ATP4A: variants seen among roughly 807,000 people sequenced by gnomAD.
The protein encoded by ATP4A is ATPase H+/K+ transporting subunit alpha.
In ATP4A, 73 loss-of-function variants were observed where a neutral mutation model predicts 112.1. The ratio of observed to expected loss-of-function variants is 0.65; its 90% CI spans 0.54 to 0.79. ATP4A has a LOEUF of 0.79. Ranked by LOEUF, ATP4A falls within the 30% of genes least tolerant of loss-of-function variation. The pLI, the probability that ATP4A is intolerant of heterozygous loss-of-function variation, is 0.00. For missense variants in ATP4A, 1,081 were observed against 1,425.9 expected, an observed-to-expected ratio of 0.76 and a Z score of 3.90; for synonymous variants, 588 against 588.9, an observed-to-expected ratio of 1.00 and a Z score of 0.02.
chr19:35,559,845 A>T lies in ATP4A; in HGVS notation c.1016T>A (p.Val339Glu). 6.2e-7 allele frequency: 1 copy of T among 1,614,180 alleles called. No homozygotes were observed. The highest frequency in any genetic ancestry group is 2.2e-5 in the East Asian group (1 of 44,878). The change falls in exon 7 of 22, where the codon GTG becomes GAG. Residue 339 changes from valine to glutamate, a missense_variant. Around this residue, in one of 3 missense-constraint regions of ATP4A, gnomAD observed 850 missense variants for 1,068.2 expected, o/e 0.80. Transcript: ENST00000262623. This position sits in a 1 kb window ranked among gnomAD's most constrained non-coding sequence, Gnocchi z 4.1. ...LRAMVFFMAI[V>E]VAYVPEGLLA... ...CAGCCCCTCAGGCACATAGGCCACC[A>T]CGATGGCCATGAAGAAGACCATGGC... is the stretch of plus-strand genomic sequence containing the variant.
intron 17 of ATP4A, 42 bp from the exon 18 acceptor site, chr19:35,553,224 CAG>C (rs762054110): frequency 6.4e-7 from 1 of 1,564,644 alleles, no homozygotes; most frequent in Non-Finnish European, 8.7e-7. Flanking sequence ...GAGATGGACA[CAG>C]AGACAGGGAC....
Position 35,558,003 on chromosome 19 carries a change from T to C in ATP4A, c.1501-156A>G. The C allele has an allele frequency of 3.0e-6, 2 of 658,498 alleles. No homozygotes were observed. Among genetic ancestry groups the C allele is most frequent in the South Asian group, 4.0e-5 (2 of 50,148 alleles). 40.8% of individuals were successfully genotyped at this position (658,498 alleles called of 1,614,324 possible). A position where few individuals can be genotyped will look rare whatever the true frequency, so the allele number is the denominator to read the frequency against. Reference sequence around the variant, plus strand: ...GGGTGAAGGTGGAAGATGGAGGCCTTGTGTGGAGGGGTCCTTGGTAGAAGG... The same window carrying C: ...GGGTGAAGGTGGAAGATGGAGGCCTCGTGTGGAGGGGTCCTTGGTAGAAGG... On this transcript the variant is annotated intron_variant, in intron 10 of 21. Transcript: ENST00000262623. The surrounding 1 kb of genome is among the most constrained non-coding windows in gnomAD (Gnocchi z 5.1).
Position 35,557,046 on chromosome 19 carries a change from C to T in ATP4A, c.1736G>A (p.Gly579Asp), listed in dbSNP as rs773834606. The T allele has an allele frequency of 6.2e-7, 1 of 1,614,202 alleles. No homozygotes were observed. Among genetic ancestry groups the T allele is most frequent in the Non-Finnish European group, 8.5e-7 (1 of 1,180,036 alleles). ...CATGGCCTCTACGTCGAAGGCATAGCCAGGCGGGTAGTCCTTCTCATTCAG... is the reference window on the plus strand; with the variant it reads ...CATGGCCTCTACGTCGAAGGCATAGTCAGGCGGGTAGTCCTTCTCATTCAG... ...LYLNEKDYPP[G>D]YAFDVEAMNF... Residue 579 changes from glycine (G) to aspartate (D), a missense_variant, in exon 12 of 22, where the codon GGC becomes GAC. Physicochemically the swap from Gly to Asp is moderately conservative, Grantham distance 94. Transcript: ENST00000262623. The surrounding 1 kb of genome is among the most constrained non-coding windows in gnomAD (Gnocchi z 4.4).
At position 35,550,992 on chromosome 19, in the gene ATP4A, C is replaced by T; in HGVS notation, c.2987+18G>A. ...CCCTACAGCCCCCTCCCTGTCCTTG[C>T]CCCTCACAGCCTCTCACCGAATGGG... On this transcript the variant is annotated intron_variant, in intron 20 of 21. Coordinates refer to ENST00000262623, the MANE Select transcript of ATP4A (RefSeq NM_000704.3). The surrounding 1 kb of genome is among the most constrained non-coding windows in gnomAD (Gnocchi z 4.1). 2 of 1,612,898 alleles carry T rather than the reference C, an allele frequency of 1.2e-6. No homozygotes were observed. The highest frequency in any genetic ancestry group is 1.3e-5 in the African/African-American group (1 of 75,024).
chr19:35,554,792 A>G (rs1194303905), intron 16 of ATP4A, 130 bp downstream of exon 16: 4 of 1,326,140 alleles, frequency 3.0e-6, no homozygotes, highest in Non-Finnish European at 4.2e-6. Flanking sequence ...ACTGGCTGTC[A>G]TTGCACACAC....
chr19:35,563,075 C>T, intron 3 of ATP4A, 134 bp downstream of exon 3: 1 of 963,436 alleles, frequency 1.0e-6, no homozygotes, highest in Non-Finnish European at 1.5e-6. Flanking sequence ...TGCCTCCCTC[C>T]CTCTCTCTAT....
chr19:35,560,561 C>T lies in ATP4A; in HGVS notation c.589G>A (p.Val197Met). The T allele has an allele frequency of 6.2e-7, 1 of 1,613,564 alleles. No homozygotes were observed. Among genetic ancestry groups the T allele is most frequent in the Non-Finnish European group, 8.5e-7 (1 of 1,179,984 alleles). Residue 197 changes from valine to methionine, a missense_variant, in exon 6 of 22, where the codon GTG (valine) becomes ATG (methionine). By Grantham distance (21) the Val-to-Met change is conservative (BLOSUM62 1). This residue lies in a region of ATP4A where 850 missense variants were observed against 1,068.2 expected (regional missense o/e 0.80). Coordinates refer to ENST00000262623, the MANE Select transcript of ATP4A (RefSeq NM_000704.3). The surrounding 1 kb of genome is among the most constrained non-coding windows in gnomAD (Gnocchi z 5.1). Reference sequence around the variant, plus strand: ...TTCATCTCCACCAGGTCGCCCACCACCAGTTGGTCAGCGTTGATCTGGAAT... The same window carrying T: ...TTCATCTCCACCAGGTCGCCCACCATCAGTTGGTCAGCGTTGATCTGGAAT... The part of the protein sequence containing the change: ...DKFQINADQL[V>M]VGDLVEMKGG...
Position 35,562,586 on chromosome 19 carries a change from G to A in ATP4A, c.269C>T (p.Ala90Val). The A allele has an allele frequency of 6.2e-7, 1 of 1,611,240 alleles. No individual in the cohort carries two copies. The highest frequency in any genetic ancestry group is 8.5e-7 in the Non-Finnish European group (1 of 1,179,054). ...TGGGGTGCCCCGTGGTGGCCGCAGT[G>A]CGTTGGGCCCATCCCGCAGCAGCAG... ...AELLLRDGPN[A>V]LRPPRGTPEY... Residue 90 changes from alanine to valine, a missense_variant, in exon 4 of 22, where the codon GCA (alanine) becomes GTA (valine). Ala to Val is a moderately conservative substitution (Grantham distance 64). This residue lies in a region of ATP4A where 850 missense variants were observed against 1,068.2 expected (regional missense o/e 0.80). Transcript: ENST00000262623.
intron 12 of ATP4A, among the ~76,000 whole-genome samples, chr19:35,556,216 G>A (rs1271701045): frequency 6.6e-6 from 1 of 152,118 alleles, no homozygotes; most frequent in African/African-American, 2.4e-5. Context: ...AGGTGCAAAG[G>A]CCCTGAGGTG....
Position 35,558,046 on chromosome 19 carries a change from C to A in ATP4A, c.1501-199G>T. 1.6e-6 allele frequency: 1 copy of A among 608,540 alleles called. No homozygotes were observed. The highest frequency in any genetic ancestry group is 2.8e-6 in the Non-Finnish European group (1 of 352,170). 37.7% of individuals were successfully genotyped at this position (608,540 alleles called of 1,614,324 possible). A position where few individuals can be genotyped will look rare whatever the true frequency, so the allele number is the denominator to read the frequency against. On this transcript the variant is annotated intron_variant, in intron 10 of 21. Transcript: ENST00000262623. The surrounding 1 kb of genome is among the most constrained non-coding windows in gnomAD (Gnocchi z 5.1). ...GTAGAAGGTAAGCGTTAAGGCGGGGCTAGGTGCAGATTTGGAGTCCTGGAC... is the reference window on the plus strand; with the variant it reads ...GTAGAAGGTAAGCGTTAAGGCGGGGATAGGTGCAGATTTGGAGTCCTGGAC...
intron 16 of ATP4A, 79 bp downstream of exon 16, chr19:35,554,843 G>A: frequency 1.3e-6 from 2 of 1,573,008 alleles, no homozygotes; most frequent in South Asian, 2.3e-5. Flanking sequence ...TGTCTGTGGT[G>A]GTCTCTGTCC....
chr19:35,556,125 T>G (rs2071630315), intron 12 of ATP4A, among the ~76,000 whole-genome samples: 1 of 152,104 alleles, frequency 6.6e-6, no homozygotes, highest in Middle Eastern at 3.2e-3. Flanking sequence ...GAAGGTGATA[T>G]CTGAGCAGAG....
At chr19:35,561,267 C>T (rs747714570) in intron 4 of ATP4A, among the ~76,000 whole-genome samples, 4 of 152,080 alleles carry the variant, frequency 2.6e-5, no homozygotes, top group Non-Finnish European at 4.4e-5. Context: ...CTCCTGTGTC[C>T]CCAAGCCTTG....
intron 18 of ATP4A, among the ~76,000 whole-genome samples, chr19:35,552,084 T>C (rs556131166): frequency 1.3e-5 from 2 of 152,208 alleles, no homozygotes; most frequent in African/African-American, 4.8e-5. Flanking sequence ...TCTCGCTCTG[T>C]CACCCAGGCT....
chr19:35,552,830 T>G (rs112197627), intron 18 of ATP4A, among the ~76,000 whole-genome samples: 6 of 152,294 alleles, frequency 3.9e-5, no homozygotes, highest in African/African-American at 1.2e-4. Flanking sequence ...GAGACACCCA[T>G]CTGCAGTTGC....
intron 17 of ATP4A, 22 bp from the exon 18 acceptor site, chr19:35,553,204 CAG>C (rs1568313166): frequency 1.9e-6 from 3 of 1,580,556 alleles, no homozygotes; most frequent in Admixed American, 3.4e-5. Flanking sequence ...CAAGGGGACA[CAG>C]GGAGACAGAG....
In ATP4A at chr19:35,551,631, C is replaced by T. The variant is rs374160464; in HGVS notation, c.2752-51G>A. ...AGCCTGAGTCCAGCCTGAGTCCCGG[C>T]GGAGAGCCTCTGCAGCCCACCGGGC... is the stretch of plus-strand genomic sequence containing the variant. On this transcript the variant is annotated intron_variant, in intron 18 of 21. Coordinates refer to ENST00000262623, the MANE Select transcript of ATP4A (RefSeq NM_000704.3). This position sits in a 1 kb window ranked among gnomAD's most constrained non-coding sequence, Gnocchi z 5.2. The T allele has an allele frequency of 8.2e-6, 13 of 1,582,082 alleles. No individual in the cohort carries two copies. Among genetic ancestry groups the T allele is most frequent in the East Asian group, 2.3e-5 (1 of 43,174 alleles).
At position 35,551,118 on chromosome 19, in the gene ATP4A, G is replaced by A. The variant is rs368013648; in HGVS notation, c.2886-7C>T. The A allele has an allele frequency of 3.5e-5, 56 of 1,600,870 alleles. No individual in the cohort carries two copies. Among genetic ancestry groups the A allele is most frequent in the Non-Finnish European group, 4.5e-5 (53 of 1,173,686 alleles). ...GATCACCAGGATCTTATTCCTGGGG[G>A]TGGGCAGAATGGGACAGGCCATTAG... On this transcript the variant is annotated splice_region_variant and splice_polypyrimidine_tract_variant and intron_variant, in intron 19 of 21. Coordinates refer to ENST00000262623, the MANE Select transcript of ATP4A (RefSeq NM_000704.3). This position sits in a 1 kb window ranked among gnomAD's most constrained non-coding sequence, Gnocchi z 5.2.
chr19:35,559,042 C>T lies in ATP4A; in HGVS notation c.1206G>A (p.Leu402=). Residue 402 remains leucine, a synonymous_variant, in exon 8 of 22, where the codon CTG becomes CTA. Transcript: ENST00000262623. The surrounding 1 kb of genome is among the most constrained non-coding windows in gnomAD (Gnocchi z 4.1). ...CTGTGTGGATGTGGTTGTCAAACCA[C>T]AGATGGGACACAGTCATGCGGTTCT... is the stretch of plus-strand genomic sequence containing the variant. ...LTQNRMTVSH[L]WFDNHIHTAD... The T allele has an allele frequency of 6.2e-7, 1 of 1,614,224 alleles. No homozygotes were observed. The highest frequency in any genetic ancestry group is 8.5e-7 in the Non-Finnish European group (1 of 1,180,034).
Sources: gnomAD v4.1 joint callset for allele counts (sites outside exome capture counted in the v4.1 genomes callset) on GRCh38, gnomAD v4.1.1 for gene constraint, gnomAD v4.1.1 regional missense constraint, Gnocchi (gnomAD v3.1) non-coding constraint, MANE v1.5 for transcripts, NCBI Gene and HGNC (gene_info 2026-07-23, HGNC 2026-07-21) for gene names.